Variants in IFNLR1 observed in about 807,000 individuals in gnomAD.
The protein encoded by IFNLR1 is interferon lambda receptor 1.
Under a neutral mutation model 52.5 loss-of-function variants are expected in IFNLR1, and 28 were observed. The observed-to-expected ratio is 0.53, with a 90% confidence interval of 0.40 to 0.73. IFNLR1 has a LOEUF of 0.73. Ranked by LOEUF, IFNLR1 falls within the 30% of genes least tolerant of loss-of-function variation. The pLI is 0.00. For missense variants in IFNLR1, 623 were observed against 659.1 expected (o/e 0.95, Z 0.60); for synonymous variants, 276 against 274.9 (o/e 1.00, Z -0.04).
intron 4 of IFNLR1, 29 bp downstream of exon 4, chr1:24,161,513 A>G: frequency 1.9e-6 from 3 of 1,553,254 alleles, no homozygotes; most frequent in Non-Finnish European, 2.6e-6. Context: ...GAGCGGGCCT[A>G]GCCTGGGGGC....
chr1:24,186,879 T>C (rs989111186), intron 1 of IFNLR1, among the ~76,000 whole-genome samples: 4 of 152,350 alleles, frequency 2.6e-5, no homozygotes, highest in African/African-American at 7.2e-5. Flanking sequence ...GTGCTTTCTT[T>C]AGGAAACATT....
intron 2 of IFNLR1, among the ~76,000 whole-genome samples, chr1:24,177,478 G>C (rs1644644630): frequency 6.6e-6 from 1 of 152,232 alleles, no homozygotes; most frequent in Non-Finnish European, 1.5e-5. Flanking sequence ...GGAGCAGAAG[G>C]AAGCATCCCG....
intron 2 of IFNLR1, among the ~76,000 whole-genome samples, chr1:24,179,907 T>C (rs1198598892): frequency 6.6e-6 from 1 of 152,230 alleles, no homozygotes; most frequent in African/African-American, 2.4e-5. Flanking sequence ...TTCCCATCTA[T>C]GTTCGAAGAT....
intron 1 of IFNLR1, among the ~76,000 whole-genome samples, chr1:24,186,540 T>G (rs1469109267): frequency 6.6e-6 from 1 of 152,084 alleles, no homozygotes; most frequent in Non-Finnish European, 1.5e-5. Context: ...GAAAATATCC[T>G]GGGGGCGATT....
At chr1:24,169,024 G>C (rs570268792) in intron 3 of IFNLR1, among the ~76,000 whole-genome samples, 3 of 152,228 alleles carry the variant, frequency 2.0e-5, no homozygotes, top group Non-Finnish European at 4.4e-5. Flanking sequence ...GATTACAGGC[G>C]TGAGCCACCA....
chr1:24,166,720 T>A (rs114409969), intron 3 of IFNLR1, among the ~76,000 whole-genome samples: 32,517 of 149,444 alleles, frequency 0.22, 3,850 homozygotes, highest in East Asian at 0.5. Context: ...CGAATTTAAT[T>A]TTTTTTTTTT....
chr1:24,177,545 C>T (rs1644645218), intron 2 of IFNLR1, among the ~76,000 whole-genome samples: 1 of 152,218 alleles, frequency 6.6e-6, no homozygotes, highest in African/African-American at 2.4e-5. Flanking sequence ...CCACCATCTG[C>T]CACCTGCTTT....
intron 2 of IFNLR1, 30 bp downstream of exon 2, chr1:24,180,701 C>A: frequency 7.5e-7 from 1 of 1,327,828 alleles, no homozygotes; most frequent in Admixed American, 1.9e-5. Context: ...CTCAGTCTTC[C>A]CATCCACCAG....
rs2153334 is a variant in IFNLR1 at position 24,156,258 on chromosome 1, T to G, written c.*872A>C. On this transcript the variant is annotated 3_prime_UTR_variant, in exon 7 of 7. Coordinates refer to ENST00000327535, the MANE Select transcript of IFNLR1 (RefSeq NM_170743.4). The stretch of plus-strand genomic sequence containing the variant: ...GACTGGGGATGAGACAAGCTGAATG[T>G]TAAGTGCTCTCAGTCACTCTGGGTT... 0.98 allele frequency: 149,356 copies of G among 152,346 alleles called. 73,270 individuals are homozygous for G. The highest frequency in any genetic ancestry group is 1 in the East Asian group (5,171 of 5,172). The allele number at this position is 152,346 out of a possible 1,614,324, so 9.4% of individuals were successfully genotyped here. A position where few individuals can be genotyped will look rare whatever the true frequency, so the allele number is the denominator to read the frequency against.
chr1:24,179,863 T>C (rs1271754208), intron 2 of IFNLR1, among the ~76,000 whole-genome samples: 1 of 152,192 alleles, frequency 6.6e-6, no homozygotes, highest in African/African-American at 2.4e-5. Flanking sequence ...TCTGCTTCTA[T>C]CATCTCACTG....
intron 1 of IFNLR1, among the ~76,000 whole-genome samples, chr1:24,183,366 G>A (rs1644710082): frequency 6.6e-6 from 1 of 151,796 alleles, no homozygotes; most frequent in Non-Finnish European, 1.5e-5. Context: ...GGGACATCGA[G>A]GCAGGAGAAT....
At chr1:24,186,575 G>A (rs985293613) in intron 1 of IFNLR1, among the ~76,000 whole-genome samples, 1 of 152,046 alleles carries the variant, frequency 6.6e-6, no homozygotes, top group Non-Finnish European at 1.5e-5. Context: ...TCCCTGCTTC[G>A]GTTGGAGTCG....
At chr1:24,185,443 G>C (rs540781772) in intron 1 of IFNLR1, among the ~76,000 whole-genome samples, 12 of 152,338 alleles carry the variant, frequency 7.9e-5, no homozygotes, top group African/African-American at 2.6e-4. Flanking sequence ...GGAGAATTCA[G>C]GGTCCTGAAG....
At position 24,157,108 on chromosome 1, in the gene IFNLR1, C is replaced by T. The variant is rs200626382; in HGVS notation, c.*22G>A. 86 of 1,582,992 alleles carry T rather than the reference C, an allele frequency of 5.4e-5. 1 individual carries two copies. Among genetic ancestry groups the T allele is most frequent in the Admixed American group, 1.4e-4 (8 of 56,918 alleles). On this transcript the variant is annotated 3_prime_UTR_variant, in exon 7 of 7. Transcript: ENST00000327535. This position sits in a 1 kb window ranked among gnomAD's most constrained non-coding sequence, Gnocchi z 5.1. ...GCAAAGGCAGCAGCAGCATCAGATT[C>T]GGTGGGATGTCGGGGGACAGCTCAC...
chr1:24,169,620 G>C lies in IFNLR1; in HGVS notation c.183-19C>G, dbSNP rs751046890. On this transcript the variant is annotated intron_variant, in intron 2 of 6. Transcript: ENST00000327535. ...GGGAGAGCTGGGGGAGGAGAGAGGA[G>C]AGCTTGGGCCATGGACTCAGCCTCT... The C allele has an allele frequency of 3.1e-6, 5 of 1,607,320 alleles. No homozygotes were observed. Among genetic ancestry groups the C allele is most frequent in the South Asian group, 1.1e-5 (1 of 89,898 alleles).
In IFNLR1 at chr1:24,159,468, AC is replaced by A; in HGVS notation, c.670+5del. The stretch of plus-strand genomic sequence containing the variant: ...AGTTTCTCTTTCTGCACCACTTGAT[AC>A]CCACCTGGGACCTCCAGCAAGAAGC... On this transcript the variant is annotated splice_donor_5th_base_variant and intron_variant, in intron 5 of 6. Transcript: ENST00000327535. The A allele has an allele frequency of 6.2e-7, 1 of 1,613,644 alleles. No individual in the cohort carries two copies. Among genetic ancestry groups the A allele is most frequent in the African/African-American group, 1.3e-5 (1 of 74,998 alleles).
Position 24,183,114 on chromosome 1 carries a change from A to G in IFNLR1, c.59-2260T>C, listed in dbSNP as rs534848789. Among the ~76,000 whole-genome samples the G allele has an allele frequency of 1.0e-3, 158 of 152,304 alleles. 1 individual carries two copies. Among genetic ancestry groups the G allele is most frequent in the African/African-American group, 3.6e-3 (150 of 41,554 alleles). ...TTCAGTTCTGCTCTAGATCATAACTATGTAAAAAACACTGTCATAATCAGT... is the reference window on the plus strand; with the variant it reads ...TTCAGTTCTGCTCTAGATCATAACTGTGTAAAAAACACTGTCATAATCAGT... On this transcript the variant is annotated intron_variant, in intron 1 of 6. Transcript: ENST00000327535.
Position 24,154,360 on chromosome 1 carries a change from G to C in IFNLR1, c.*2770C>G, listed in dbSNP as rs1390411563. ...CCTAAGGCACTAACACTTTTCACGG[G>C]ATATGCTTCCAGCGCAGGCCCAGCC... On this transcript the variant is annotated 3_prime_UTR_variant, in exon 7 of 7. Transcript: ENST00000327535. 1 of 152,200 alleles carries C rather than the reference G, an allele frequency of 6.6e-6. No individual in the cohort carries two copies. The highest frequency in any genetic ancestry group is 1.5e-5 in the Non-Finnish European group (1 of 68,036). The allele number at this position is 152,200 out of a possible 1,614,324, so 9.4% of individuals were successfully genotyped here.
At chr1:24,177,063 G>A (rs752544090) in intron 2 of IFNLR1, among the ~76,000 whole-genome samples, 3 of 152,186 alleles carry the variant, frequency 2.0e-5, no homozygotes, top group African/African-American at 2.4e-5. Context: ...CATGTATTAA[G>A]TGAGAATATT....
Sources: allele counts gnomAD v4.1 joint callset (sites outside exome capture counted in the v4.1 genomes callset), GRCh38; gene constraint gnomAD v4.1.1; non-coding constraint Gnocchi (gnomAD v3.1); transcripts MANE v1.5; gene names NCBI Gene and HGNC (gene_info 2026-07-23, HGNC 2026-07-21).